The following TMEM38B variants were observed in gnomAD, a reference collection of about 807,000 sequenced individuals.
The protein encoded by TMEM38B is transmembrane protein 38B.
TMEM38B carries 24 observed loss-of-function variants against 28.7 expected under a neutral mutation model. The ratio of observed to expected loss-of-function variants is 0.84; its 90% CI spans 0.61 to 1.18. TMEM38B has a LOEUF of 1.18. Ranked by LOEUF, TMEM38B falls within the 50% of genes most tolerant of loss-of-function variation. The pLI, the probability that TMEM38B is intolerant of heterozygous loss-of-function variation, is 0.00. For synonymous variants in TMEM38B, 131 were observed against 127.7 expected, an observed-to-expected ratio of 1.03 and a Z score of -0.17; for missense variants, 380 against 350.9, an observed-to-expected ratio of 1.08 and a Z score of -0.66.
At chr9:105,710,593 A>G (rs1588398146) in intron 2 of TMEM38B, 4 of 818,212 alleles carry the variant, frequency 4.9e-6, no homozygotes, top group Non-Finnish European at 8.7e-6. Flanking sequence ...CTTCAGCATC[A>G]GGAACACCCT....
At chr9:105,734,782 A>G (rs1268903503) in intron 4 of TMEM38B, among the ~76,000 whole-genome samples, 2 of 151,512 alleles carry the variant, frequency 1.3e-5, no homozygotes, top group East Asian at 1.9e-4. Context: ...TTTGCATGGA[A>G]TATGTTTTTC....
chr9:105,759,887 G>C, intron 5 of TMEM38B: 1 of 1,591,370 alleles, frequency 6.3e-7, no homozygotes, highest in Non-Finnish European at 8.5e-7. Flanking sequence ...AGGAATAGTT[G>C]TATCAACACA....
At chr9:105,716,628 A>C (rs1554775435) in intron 2 of TMEM38B, among the ~76,000 whole-genome samples, 3 of 151,700 alleles carry the variant, frequency 2.0e-5, no homozygotes, top group Non-Finnish European at 4.4e-5. Context: ...ATGAATTTGA[A>C]CTGTGTGAAT....
intron 5 of TMEM38B, among the ~76,000 whole-genome samples, chr9:105,766,314 A>G (rs566522059): frequency 2.0e-5 from 3 of 152,304 alleles, no homozygotes; most frequent in South Asian, 2.1e-4. Flanking sequence ...TTTTGTAGGT[A>G]TGAAGTGATA....
chr9:105,766,516 T>C (rs1346071565), intron 5 of TMEM38B, among the ~76,000 whole-genome samples: 1 of 152,176 alleles, frequency 6.6e-6, no homozygotes, highest in Admixed American at 6.5e-5. Flanking sequence ...GTGAGATATA[T>C]GTATTGCAAA....
At chr9:105,745,102 C>T (rs1293416856) in intron 4 of TMEM38B, among the ~76,000 whole-genome samples, 1 of 152,170 alleles carries the variant, frequency 6.6e-6, no homozygotes, top group African/African-American at 2.4e-5. Context: ...AGTATATACC[C>T]AGTAATGGGA....
intron 5 of TMEM38B, among the ~76,000 whole-genome samples, chr9:105,769,578 A>G (rs1473518763): frequency 6.6e-6 from 1 of 152,144 alleles, no homozygotes; most frequent in Non-Finnish European, 1.5e-5. Context: ...AAAAATTTAC[A>G]AGTCTGGCTA....
At position 105,721,541 on chromosome 9, in the gene TMEM38B, A is replaced by G. The variant is rs777964172; in HGVS notation, c.274A>G (p.Ile92Val). 5.2e-5 allele frequency: 83 copies of G among 1,592,470 alleles called. No individual in the cohort carries two copies. Among genetic ancestry groups the G allele is most frequent in the Non-Finnish European group, 6.8e-5 (80 of 1,170,262 alleles). The change falls in exon 3 of 6, where the codon ATT becomes GTT. Residue 92 changes from isoleucine to valine, a missense_variant. By Grantham distance (29) the Ile-to-Val change is conservative. Coordinates refer to ENST00000374692, the MANE Select transcript of TMEM38B (RefSeq NM_018112.3). Reference sequence around the variant, plus strand: ...ATGTTTACATTTCATTTTCAGGTATATTACATTTTTTTGCCCGCATGACCT... The same window carrying G: ...ATGTTTACATTTCATTTTCAGGTATGTTACATTTTTTTGCCCGCATGACCT... ...NILLASSIWY[I>V]TFFCPHDLVS...
At chr9:105,766,127 CT>C (rs1826363944) in intron 5 of TMEM38B, among the ~76,000 whole-genome samples, 1 of 152,130 alleles carries the variant, frequency 6.6e-6, no homozygotes, top group African/African-American at 2.4e-5. Flanking sequence ...CACTTAATAA[CT>C]AGGAGGAGAA....
chr9:105,758,753 A>G (rs1837925743), intron 5 of TMEM38B: 1 of 742,916 alleles, frequency 1.3e-6, no homozygotes, highest in Non-Finnish European at 2.4e-6. Context: ...GATGAAACTT[A>G]TCTCATAGAA....
At chr9:105,765,244 T>A (rs1432971486) in intron 5 of TMEM38B, among the ~76,000 whole-genome samples, 2 of 152,352 alleles carry the variant, frequency 1.3e-5, no homozygotes, top group Admixed American at 1.3e-4. Flanking sequence ...ATTTAAAAAA[T>A]GCTTTAGCAA....
chr9:105,722,653 A>G, intron 4 of TMEM38B, 32 bp downstream of exon 4: 1 of 1,552,680 alleles, frequency 6.4e-7, no homozygotes, highest in South Asian at 1.1e-5. Flanking sequence ...TGAGACCTAG[A>G]TGTTTATCCT....
chr9:105,716,039 G>C (rs1836086630), intron 2 of TMEM38B, among the ~76,000 whole-genome samples: 1 of 152,096 alleles, frequency 6.6e-6, no homozygotes. Flanking sequence ...TCCTGCTTTT[G>C]TTTTTATGTA....
intron 4 of TMEM38B, among the ~76,000 whole-genome samples, chr9:105,737,727 A>T (rs1310651769): frequency 6.6e-6 from 1 of 152,190 alleles, no homozygotes; most frequent in African/African-American, 2.4e-5. Flanking sequence ...AGGGGGATCA[A>T]CTGCTTGGCT....
At chr9:105,702,103 A>T (rs1281501049) in intron 1 of TMEM38B, among the ~76,000 whole-genome samples, 2 of 152,188 alleles carry the variant, frequency 1.3e-5, no homozygotes, top group East Asian at 3.8e-4. Context: ...CTTGATCTAA[A>T]ACTCCTTGAA....
intron 1 of TMEM38B, among the ~76,000 whole-genome samples, chr9:105,697,561 T>C (rs1050862297): frequency 2.6e-5 from 4 of 152,214 alleles, no homozygotes; most frequent in African/African-American, 7.2e-5. Context: ...TTGTATTTCA[T>C]GTAAATTGCT....
At chr9:105,758,690 G>T in intron 5 of TMEM38B, 1 of 751,628 alleles carries the variant, frequency 1.3e-6, no homozygotes, top group Non-Finnish European at 2.4e-6. Flanking sequence ...ATCCAGAATT[G>T]AGAAAAAACA....
intron 2 of TMEM38B, among the ~76,000 whole-genome samples, chr9:105,721,324 G>C (rs2133576608): frequency 1.3e-5 from 2 of 152,192 alleles, no homozygotes; most frequent in South Asian, 4.1e-4. Flanking sequence ...ATTCTTCTCT[G>C]ATCATGACTT....
chr9:105,731,206 C>G (rs1836729420), intron 4 of TMEM38B, among the ~76,000 whole-genome samples: 1 of 151,914 alleles, frequency 6.6e-6, no homozygotes, highest in Non-Finnish European at 1.5e-5. Context: ...GCATTTAGTG[C>G]TATAAATTTC....
Sources: gnomAD v4.1 joint callset for allele counts (sites outside exome capture counted in the v4.1 genomes callset) on GRCh38, gnomAD v4.1.1 for gene constraint, MANE v1.5 for transcripts, NCBI Gene and HGNC (gene_info 2026-07-23, HGNC 2026-07-21) for gene names.